The following HAT1 variants were observed in gnomAD, a reference collection of about 807,000 sequenced individuals.
HAT1 encodes histone acetyltransferase 1, also known as histone acetyltransferase type B catalytic subunit.
In HAT1, 20 loss-of-function variants were observed where a neutral mutation model predicts 56.6. That is an observed-to-expected ratio of 0.35 (90% CI 0.25 to 0.51). HAT1 has a LOEUF of 0.51. Among genes scored for constraint, HAT1 ranks in the 20% least tolerant of loss-of-function variants. The pLI, the probability that HAT1 is intolerant of heterozygous loss-of-function variation, is 0.95. For missense variants in HAT1, 408 were observed against 504.3 expected (o/e 0.81, Z 1.83); for synonymous variants, 146 against 165.5 (o/e 0.88, Z 0.91).
chr2:171,931,453 G>T (rs1008756484), intron 2 of HAT1, among the ~76,000 whole-genome samples: 1 of 152,106 alleles, frequency 6.6e-6, no homozygotes, highest in Non-Finnish European at 1.5e-5. Flanking sequence ...ACTTTGGGAG[G>T]CTGAGGCAAG....
intron 4 of HAT1, among the ~76,000 whole-genome samples, chr2:171,956,203 G>A (rs1401439958): frequency 7.7e-6 from 1 of 129,898 alleles, no homozygotes; most frequent in Non-Finnish European, 1.6e-5. Flanking sequence ...AAAAAAAAAG[G>A]CCAGGCTTAG....
intron 9 of HAT1, among the ~76,000 whole-genome samples, chr2:171,978,956 G>T (rs1431028342): frequency 6.6e-6 from 1 of 151,762 alleles, no homozygotes; most frequent in Non-Finnish European, 1.5e-5. Flanking sequence ...GCCGAGTGTG[G>T]TGCATATGCC....
chr2:171,957,031 T>C (rs1687463948), intron 4 of HAT1, among the ~76,000 whole-genome samples: 1 of 152,150 alleles, frequency 6.6e-6, no homozygotes. Context: ...GGAACATTTG[T>C]GGAGGACCCT....
chr2:171,924,872 A>C (rs905329491), intron 1 of HAT1: 1 of 152,110 alleles, frequency 6.6e-6, no homozygotes, highest in African/African-American at 2.4e-5. Flanking sequence ...GGACATTCTC[A>C]TTTTGCTTTT....
intron 3 of HAT1, among the ~76,000 whole-genome samples, chr2:171,948,533 AC>A (rs956695277): frequency 6.6e-6 from 1 of 152,006 alleles, no homozygotes; most frequent in African/African-American, 2.4e-5. Flanking sequence ...CTGATACAGT[AC>A]TATCTTCTGA....
Position 171,966,584 on chromosome 2 carries a change from G to A in HAT1, c.716+71G>A. The A allele has an allele frequency of 3.8e-6, 3 of 782,618 alleles. No individual in the cohort carries two copies. In the South Asian group the frequency reaches 4.2e-5, roughly 11 times the overall value. The allele number at this position is 782,618 out of a possible 1,614,324, so 48.5% of individuals were successfully genotyped here. A position where few individuals can be genotyped will look rare whatever the true frequency, so the allele number is the denominator to read the frequency against. On this transcript the variant is annotated intron_variant, in intron 7 of 10. Coordinates refer to ENST00000264108, the MANE Select transcript of HAT1 (RefSeq NM_003642.4). ...GGAACTGCTGAAGTTTCCAATACTT[G>A]TTATAATAGTGTTGATTTGTTTAAA...
chr2:171,965,605 G>A, intron 5 of HAT1, 88 bp downstream of exon 5: 1 of 1,000,968 alleles, frequency 1.0e-6, no homozygotes, highest in Non-Finnish European at 1.5e-6. Context: ...TATTCTAACT[G>A]CAGTAAACAA....
At chr2:171,951,824 A>AGTAAGAT (rs1302928453) in intron 3 of HAT1, among the ~76,000 whole-genome samples, 11 of 152,118 alleles carry the variant, frequency 7.2e-5, no homozygotes, top group African/African-American at 2.4e-4. Context: ...TAAGATGGGT[A>AGTAAGAT]GGGGACAGTA....
intron 4 of HAT1, among the ~76,000 whole-genome samples, chr2:171,955,503 TG>T (rs1193226495): frequency 6.6e-6 from 1 of 151,262 alleles, no homozygotes; most frequent in African/African-American, 2.4e-5. Flanking sequence ...CCCAGCAACT[TG>T]GGGGGCTGAG....
intron 4 of HAT1, 123 bp from the exon 5 acceptor site, chr2:171,965,215 T>C (rs1687654909): frequency 3.2e-6 from 2 of 623,738 alleles, no homozygotes; most frequent in Admixed American, 3.1e-5. Context: ...GCTGTGTGTT[T>C]ACTTCTTTAG....
intron 2 of HAT1, among the ~76,000 whole-genome samples, chr2:171,945,397 C>CA (rs1288164360): frequency 2.0e-5 from 3 of 151,562 alleles, no homozygotes; most frequent in African/African-American, 7.3e-5. Flanking sequence ...ATGTAGGGAG[C>CA]AAAGGAGTCT....
At chr2:171,926,688 C>T (rs10930499) in intron 2 of HAT1, among the ~76,000 whole-genome samples, 11,583 of 152,232 alleles carry the variant, frequency 0.076, 640 homozygotes, top group Non-Finnish European at 0.11. Context: ...CTTGGCCTCC[C>T]AAAGTGTTGG....
rs567938676 is a variant in HAT1 at position 171,962,112 on chromosome 2, TA to T, written c.310-3219del. Among the ~76,000 whole-genome samples, 333 of 152,064 alleles carry T rather than the reference TA, an allele frequency of 2.2e-3. 2 individuals carry two copies. The highest frequency in any genetic ancestry group is 3.3e-3 in the Non-Finnish European group (224 of 67,958). The stretch of plus-strand genomic sequence containing the variant: ...TGTGTATAAATACAAATATAAACAT[TA>T]AAAAAATAGATTACTAATTATCAGG... On this transcript the variant is annotated intron_variant, in intron 4 of 10. Coordinates refer to ENST00000264108, the MANE Select transcript of HAT1 (RefSeq NM_003642.4).
intron 6 of HAT1, 199 bp from the exon 7 acceptor site, chr2:171,966,210 G>A (rs1687679564): frequency 1.6e-6 from 1 of 629,798 alleles, no homozygotes; most frequent in Non-Finnish European, 2.9e-6. Context: ...CTGAAGTGAT[G>A]TAAAGAGGTC....
At position 171,983,295 on chromosome 2, in the gene HAT1, T is replaced by G; in HGVS notation, c.1203T>G (p.Ser401Arg). The G allele has an allele frequency of 1.9e-6, 3 of 1,604,918 alleles. No homozygotes were observed. The highest frequency in any genetic ancestry group is 2.6e-6 in the Non-Finnish European group (3 of 1,174,624). Reference sequence around the variant, plus strand: ...TGCAACATGAACAGCTGGAAGAGAGTTTTCAGGAACTAGTGGAAGATTACC... The same window carrying G: ...TGCAACATGAACAGCTGGAAGAGAGGTTTCAGGAACTAGTGGAAGATTACC... Reference protein sequence around the residue: ...ISMQHEQLEESFQELVEDYRR... With the variant: ...ISMQHEQLEERFQELVEDYRR... Residue 401 changes from serine (S) to arginine (R), a missense_variant, in exon 11 of 11, where the codon AGT becomes AGG. Coordinates refer to ENST00000264108, the MANE Select transcript of HAT1 (RefSeq NM_003642.4).
At chr2:171,979,117 A>G in intron 9 of HAT1, 130 bp from the exon 10 acceptor site, 1 of 621,254 alleles carries the variant, frequency 1.6e-6, no homozygotes, top group South Asian at 1.9e-5. Flanking sequence ...AACTACTTTT[A>G]TTGCCTTTCC....
At chr2:171,940,660 A>T (rs761533449) in intron 2 of HAT1, among the ~76,000 whole-genome samples, 22 of 152,140 alleles carry the variant, frequency 1.4e-4, no homozygotes, top group Non-Finnish European at 2.6e-4. Context: ...TGAAAACTCC[A>T]AAGGCTTGTC....
At chr2:171,926,876 G>A (rs749106664) in intron 2 of HAT1, among the ~76,000 whole-genome samples, 33 of 152,196 alleles carry the variant, frequency 2.2e-4, no homozygotes, top group Non-Finnish European at 1.2e-4. Context: ...GTTATTCACA[G>A]TAGCCAAAAA....
At chr2:171,975,568 C>A (rs1687940317) in intron 8 of HAT1, among the ~76,000 whole-genome samples, 1 of 152,248 alleles carries the variant, frequency 6.6e-6, no homozygotes, top group South Asian at 2.1e-4. Context: ...TTCACATAGT[C>A]ATTTACTTTT....
Sources: allele counts gnomAD v4.1 joint callset (sites outside exome capture counted in the v4.1 genomes callset), GRCh38; gene constraint gnomAD v4.1.1; transcripts MANE v1.5; gene names NCBI Gene and HGNC (gene_info 2026-07-23, HGNC 2026-07-21).